GALK2: variants seen among roughly 807,000 people sequenced by gnomAD.
The protein encoded by GALK2 is N-acetylgalactosamine kinase.
A neutral mutation model predicts 52.4 loss-of-function variants in GALK2; 36 were observed. The ratio of observed to expected loss-of-function variants is 0.69; its 90% CI spans 0.53 to 0.91. The LOEUF is 0.91. Among genes scored for constraint, GALK2 ranks in the 40% least tolerant of loss-of-function variants. GALK2 has a pLI of 0.00. For synonymous variants in GALK2, 176 were observed against 199.1 expected (o/e 0.88, Z 0.98); for missense variants, 579 against 559.1 (o/e 1.04, Z -0.36).
At chr15:49,168,508 C>G (rs1018393082), upstream of GALK2, among the ~76,000 whole-genome samples, 6 of 152,156 alleles carry the variant, frequency 3.9e-5, no homozygotes, top group African/African-American at 1.4e-4. Context: ...CACCTGAGGT[C>G]AGGAGCTCGA....
chr15:49,180,355 G>T (rs1325492789), intron 1 of GALK2, among the ~76,000 whole-genome samples: 1 of 152,234 alleles, frequency 6.6e-6, no homozygotes, highest in East Asian at 1.9e-4. Context: ...TGTACTTATT[G>T]CTCTTTTTCC....
chr15:49,295,291 G>A (rs1423598009), intron 8 of GALK2, among the ~76,000 whole-genome samples: 1 of 150,664 alleles, frequency 6.6e-6, no homozygotes, highest in African/African-American at 2.5e-5. Flanking sequence ...GATTTTGGCA[G>A]TAAGATGACA....
At chr15:49,357,076 T>C (rs1322605422) in intron 3 of GALK2, among the ~76,000 whole-genome samples, 1 of 150,864 alleles carries the variant, frequency 6.6e-6, no homozygotes, top group South Asian at 2.1e-4. Context: ...CTGGGATGCA[T>C]TCAAAGCAGT....
At chr15:49,355,619 G>A (rs2151345543) in intron 3 of GALK2, among the ~76,000 whole-genome samples, 1 of 152,296 alleles carries the variant, frequency 6.6e-6, no homozygotes, top group South Asian at 2.1e-4. Flanking sequence ...TCTGACTGGT[G>A]TACCTGAAAG....
intron 1 of GALK2, among the ~76,000 whole-genome samples, chr15:49,196,965 G>T (rs932088846): frequency 1.3e-5 from 2 of 152,292 alleles, no homozygotes; most frequent in Admixed American, 1.3e-4. Context: ...ATGGCAGCAT[G>T]CCTCTGTAGT....
chr15:49,190,405 C>T (rs983415261), intron 1 of GALK2, among the ~76,000 whole-genome samples: 3 of 152,052 alleles, frequency 2.0e-5, no homozygotes, highest in Admixed American at 6.6e-5. Flanking sequence ...TTGGCCATTC[C>T]TTATTTTACT....
chr15:49,285,852 C>T (rs1196243077), intron 7 of GALK2, among the ~76,000 whole-genome samples: 1 of 152,178 alleles, frequency 6.6e-6, no homozygotes, highest in Non-Finnish European at 1.5e-5. Context: ...CTTTCAAAAG[C>T]TTCCTATTTC....
At chr15:49,280,962 G>A (rs776236845) in intron 5 of GALK2, among the ~76,000 whole-genome samples, 1 of 152,080 alleles carries the variant, frequency 6.6e-6, no homozygotes, top group Non-Finnish European at 1.5e-5. Context: ...TCAGCCTCCT[G>A]AGTAGCTGTG....
intron 3 of GALK2, among the ~76,000 whole-genome samples, chr15:49,339,699 T>C (rs1256912447): frequency 6.6e-6 from 1 of 152,098 alleles, no homozygotes; most frequent in Non-Finnish European, 1.5e-5. Flanking sequence ...GTATGGACGT[T>C]TAAGTTTGCT....
At chr15:49,280,677 C>T (rs111419647) in intron 5 of GALK2, among the ~76,000 whole-genome samples, 12 of 151,328 alleles carry the variant, frequency 7.9e-5, no homozygotes, top group African/African-American at 1.2e-4. Flanking sequence ...AATAAGGGCC[C>T]GAATAAAGTC....
intron 1 of GALK2, among the ~76,000 whole-genome samples, chr15:49,159,575 CAA>C (rs71458473): frequency 2.1e-4 from 27 of 130,056 alleles, no homozygotes; most frequent in South Asian, 5.0e-4. Context: ...GACTCTGTCT[CAA>C]AAAAAAAAAA....
In GALK2 at chr15:49,266,109, C is replaced by A. The variant is rs1296761263; in HGVS notation, c.505-15878C>A. On this transcript the variant is annotated intron_variant, in intron 5 of 9. Transcript: ENST00000560031. ...GTTGGCACTTCTGCTTCTGGATTGGCTGGCTGTCAGCCGACATGATAGGAG... is the reference window on the plus strand; with the variant it reads ...GTTGGCACTTCTGCTTCTGGATTGGATGGCTGTCAGCCGACATGATAGGAG... Among the ~76,000 whole-genome samples the A allele has an allele frequency of 2.0e-5, 3 of 152,274 alleles. No homozygotes were observed. The East Asian group carries it at 5.8e-4, about 29-fold the overall frequency.
intron 8 of GALK2, among the ~76,000 whole-genome samples, chr15:49,298,961 G>T (rs1403150406): frequency 6.6e-6 from 1 of 152,046 alleles, no homozygotes; most frequent in East Asian, 1.9e-4. Context: ...TCAATTTTTG[G>T]AATAATTCCA....
At chr15:49,174,311 A>G (rs1269261842) in intron 1 of GALK2, among the ~76,000 whole-genome samples, 1 of 152,082 alleles carries the variant, frequency 6.6e-6, no homozygotes, top group African/African-American at 2.4e-5. Flanking sequence ...CCTGCAAAAA[A>G]GATGTTATTG....
At chr15:49,242,524 A>G (rs534793850) in intron 5 of GALK2, among the ~76,000 whole-genome samples, 1 of 152,368 alleles carries the variant, frequency 6.6e-6, no homozygotes, top group Non-Finnish European at 1.5e-5. Context: ...TGATAAGGAC[A>G]CTAAGTCCCA....
At chr15:49,273,572 T>C (rs79782004) in intron 5 of GALK2, among the ~76,000 whole-genome samples, 9,116 of 151,800 alleles carry the variant, frequency 0.06, 539 homozygotes, top group African/African-American at 0.15. Context: ...TTTTTTTTTT[T>C]CCCTTACAAA....
chr15:49,178,195 C>CTATATA (rs71120671), intron 1 of GALK2, among the ~76,000 whole-genome samples: 2,456 of 50,426 alleles, frequency 0.049, 114 homozygotes, highest in East Asian at 0.098. Flanking sequence ...AAAAGAAATA[C>CTATATA]TATATATATA....
chr15:49,222,655 G>C (rs914881512), intron 3 of GALK2, among the ~76,000 whole-genome samples: 4 of 152,088 alleles, frequency 2.6e-5, no homozygotes, highest in African/African-American at 9.7e-5. Context: ...ATGATTATGT[G>C]GTTTCTGTCC....
intron 1 of GALK2, chr15:49,185,728 T>G (rs1402956693): frequency 6.6e-6 from 1 of 152,230 alleles, no homozygotes; most frequent in Admixed American, 6.5e-5. Flanking sequence ...AGATGATTTC[T>G]TATTGCTTAT....
Sources: gnomAD v4.1 joint callset for allele counts (sites outside exome capture counted in the v4.1 genomes callset) on GRCh38, gnomAD v4.1.1 for gene constraint, MANE v1.5 for transcripts, NCBI Gene and HGNC (gene_info 2026-07-23, HGNC 2026-07-21) for gene names.